Variants in STX2 observed in about 807,000 individuals in gnomAD.
STX2 encodes the protein syntaxin-2.
STX2 carries 27 observed loss-of-function variants against 40.6 expected under a neutral mutation model. The ratio of observed to expected loss-of-function variants is 0.66; its 90% confidence interval spans 0.49 to 0.92. The LOEUF is 0.92. Among genes scored for constraint, STX2 ranks in the 40% least tolerant of loss-of-function variants. The pLI is 0.00. For synonymous variants in STX2, 123 were observed against 119.1 expected (o/e 1.03, Z -0.22); for missense variants, 328 against 366.1 (o/e 0.90, Z 0.85).
intron 9 of STX2, among the ~76,000 whole-genome samples, chr12:130,796,947 T>C (rs1222273176): frequency 6.6e-6 from 1 of 151,998 alleles, no homozygotes; most frequent in Non-Finnish European, 1.5e-5. Context: ...TGCAGGACAC[T>C]AGGAGTGGGG....
In STX2 at chr12:130,818,189, T is replaced by A. The variant is rs1187321228; in HGVS notation, c.205+3500A>T. 9.6e-3 allele frequency among the ~76,000 whole-genome samples: 554 copies of A among 57,838 alleles called. 7 individuals carry two copies. The highest frequency in any genetic ancestry group is 0.04 in the African/African-American group (351 of 8,760). 37.9% of individuals were successfully genotyped at this position (57,838 alleles called of 152,430 possible). On this transcript the variant is annotated intron_variant, in intron 3 of 10. Transcript: ENST00000392373. ...TTTCTACAAAAAAAAAAAAAAAATA[T>A]ATATATATATATATATATATATATA...
intron 6 of STX2, among the ~76,000 whole-genome samples, chr12:130,806,287 C>T (rs1001178253): frequency 6.6e-6 from 1 of 152,140 alleles, no homozygotes; most frequent in African/African-American, 2.4e-5. Context: ...CCGTGGGGGC[C>T]GGCAGAAGGT....
intron 3 of STX2, among the ~76,000 whole-genome samples, chr12:130,814,857 G>A (rs1240550513): frequency 6.6e-6 from 1 of 151,926 alleles, no homozygotes; most frequent in Non-Finnish European, 1.5e-5. Flanking sequence ...GGCTGGTCTT[G>A]AGCTCCTGAC....
chr12:130,837,009 C>G (rs1593201693), intron 1 of STX2, among the ~76,000 whole-genome samples: 1 of 151,976 alleles, frequency 6.6e-6, no homozygotes, highest in Non-Finnish European at 1.5e-5. Flanking sequence ...TTTTGCTATT[C>G]AAGCCAAGAA....
intron 10 of STX2, among the ~76,000 whole-genome samples, chr12:130,792,493 T>TCA (rs1407087554): frequency 1.3e-5 from 2 of 152,330 alleles, no homozygotes; most frequent in African/African-American, 4.8e-5. Context: ...AAAGGAGGTG[T>TCA]CACTCTGTCG....
intron 1 of STX2, among the ~76,000 whole-genome samples, chr12:130,837,485 T>C (rs1244329654): frequency 1.3e-5 from 2 of 152,204 alleles, no homozygotes; most frequent in Non-Finnish European, 2.9e-5. Flanking sequence ...GGTTTTGCCA[T>C]GTTGGCCAGG....
intron 4 of STX2, among the ~76,000 whole-genome samples, chr12:130,809,148 C>T (rs1475606531): frequency 3.9e-5 from 6 of 152,258 alleles, no homozygotes; most frequent in East Asian, 1.9e-4. Flanking sequence ...ATTACAGGTG[C>T]GAGCCACTGC....
At chr12:130,814,833 C>T (rs1043720328) in intron 3 of STX2, among the ~76,000 whole-genome samples, 1 of 152,002 alleles carries the variant, frequency 6.6e-6, no homozygotes, top group Non-Finnish European at 1.5e-5. Context: ...GATGGGGTTT[C>T]GCCATATTGG....
chr12:130,801,628 T>C lies in STX2; in HGVS notation c.464-140A>G, dbSNP rs1348282399. 4.7e-6 allele frequency: 4 copies of C among 850,326 alleles called. No individual in the cohort carries two copies. The African/African-American group carries it at 6.9e-5, about 15-fold the overall frequency. The allele number at this position is 850,326 out of a possible 1,614,324, so 52.7% of individuals were successfully genotyped here. A position where few individuals can be genotyped will look rare whatever the true frequency, so the allele number is the denominator to read the frequency against. On this transcript the variant is annotated intron_variant, in intron 6 of 10. Coordinates refer to ENST00000392373, the MANE Select transcript of STX2 (RefSeq NM_194356.4). ...TTTTTAACCTTTTCTTAAGCAGATATTGACAATGAGAAGTGAACCTAAGAT... is the reference window on the plus strand; with the variant it reads ...TTTTTAACCTTTTCTTAAGCAGATACTGACAATGAGAAGTGAACCTAAGAT...
intron 1 of STX2, among the ~76,000 whole-genome samples, chr12:130,829,382 A>C (rs1441804349): frequency 6.6e-6 from 1 of 151,966 alleles, no homozygotes; most frequent in African/African-American, 2.4e-5. Context: ...GCTGAAACAC[A>C]GTGCAGGGAT....
intron 1 of STX2, among the ~76,000 whole-genome samples, chr12:130,836,200 T>A (rs1952753071): frequency 8.5e-5 from 13 of 152,230 alleles, no homozygotes; most frequent in Admixed American, 8.5e-4. Flanking sequence ...GATGGGTTTT[T>A]AAATATTAAA....
rs554334623 is a variant in STX2, at chr12:130,833,261, GAC to G, written c.30+5807_30+5808del. On this transcript the variant is annotated intron_variant, in intron 1 of 10. Coordinates refer to ENST00000392373, the MANE Select transcript of STX2 (RefSeq NM_194356.4). ...ACAAACGTCAACAAACGGAAACAGA[GAC>G]ACACACACAGACTAAGACCCCGCAA... is the stretch of plus-strand genomic sequence containing the variant. Among the ~76,000 whole-genome samples, 6 of 150,714 alleles carry G rather than the reference GAC, an allele frequency of 4.0e-5. No homozygotes were observed. The East Asian group carries it at 1.2e-3, about 31-fold the overall frequency.
intron 1 of STX2, among the ~76,000 whole-genome samples, chr12:130,830,699 C>T (rs1952527355): frequency 6.6e-6 from 1 of 152,090 alleles, no homozygotes; most frequent in Non-Finnish European, 1.5e-5. Context: ...CAAAACAAAA[C>T]AAAATGACCA....
chr12:130,826,032 T>C (rs929467392), intron 2 of STX2, among the ~76,000 whole-genome samples: 1 of 152,200 alleles, frequency 6.6e-6, no homozygotes, highest in Non-Finnish European at 1.5e-5. Context: ...GGGGGAGGCC[T>C]CACACCTCAG....
intron 1 of STX2, among the ~76,000 whole-genome samples, chr12:130,830,064 G>A (rs750418119): frequency 4.6e-5 from 7 of 152,214 alleles, no homozygotes; most frequent in South Asian, 2.1e-4. Context: ...ATACTATGGT[G>A]AGCCCTCAGT....
intron 8 of STX2, among the ~76,000 whole-genome samples, chr12:130,800,126 C>G (rs546235683): frequency 3.3e-5 from 5 of 152,092 alleles, no homozygotes; most frequent in Non-Finnish European, 7.4e-5. Context: ...TGAATCCTAA[C>G]CAGCAACAGA....
intron 2 of STX2, among the ~76,000 whole-genome samples, chr12:130,823,687 C>G (rs1340106704): frequency 6.6e-6 from 1 of 152,046 alleles, no homozygotes; most frequent in Non-Finnish European, 1.5e-5. Context: ...TTCTCCAGGC[C>G]CTGGAACTAG....
intron 3 of STX2, among the ~76,000 whole-genome samples, chr12:130,817,989 G>A (rs1205373510): frequency 2.0e-5 from 3 of 151,252 alleles, no homozygotes; most frequent in East Asian, 3.9e-4. Flanking sequence ...CAGGGGTCCC[G>A]GAGCCAAGAC....
intron 10 of STX2, 32 bp from the exon 11 acceptor site, chr12:130,792,009 T>G: frequency 6.8e-7 from 1 of 1,471,408 alleles, no homozygotes; most frequent in Non-Finnish European, 9.5e-7. Flanking sequence ...TAATTTGCAA[T>G]GTATCAAAGA....
Sources: allele counts gnomAD v4.1 joint callset (sites outside exome capture counted in the v4.1 genomes callset), GRCh38; gene constraint gnomAD v4.1.1; transcripts MANE v1.5; gene names NCBI Gene and HGNC (gene_info 2026-07-23, HGNC 2026-07-21).